Variants in SIAH1 observed in about 807,000 individuals in gnomAD.
SIAH1 encodes siah E3 ubiquitin protein ligase 1, also known as E3 ubiquitin-protein ligase SIAH1.
In SIAH1, 2 loss-of-function variants were observed where a neutral mutation model predicts 20.0. That is an observed-to-expected ratio of 0.10 (90% CI 0.04 to 0.31). SIAH1 has a LOEUF of 0.31. Ranked by LOEUF, SIAH1 falls within the 10% of genes least tolerant of loss-of-function variation. SIAH1 has a pLI of 1.00. For synonymous variants in SIAH1, 118 were observed against 125.3 expected (o/e 0.94, Z 0.39); for missense variants, 119 against 355.3 (o/e 0.33, Z 5.35).
intron 1 of SIAH1, among the ~76,000 whole-genome samples, chr16:48,380,519 C>G (rs1033243422): frequency 6.6e-6 from 1 of 151,474 alleles, no homozygotes; most frequent in African/African-American, 2.4e-5. Context: ...AAAAAAGAGT[C>G]AAAAAGACCT....
chr16:48,375,586 T>C (rs1961088866), intron 1 of SIAH1, among the ~76,000 whole-genome samples: 1 of 151,148 alleles, frequency 6.6e-6, no homozygotes. Context: ...TATAGTGAGA[T>C]GAGATCAGGC....
intron 1 of SIAH1, among the ~76,000 whole-genome samples, chr16:48,376,884 G>A (rs1482879209): frequency 1.3e-5 from 2 of 152,210 alleles, no homozygotes; most frequent in Non-Finnish European, 2.9e-5. Flanking sequence ...AAAATTTAAT[G>A]TGAAATACAA....
At chr16:48,371,811 C>T (rs1245376246) in intron 1 of SIAH1, among the ~76,000 whole-genome samples, 2 of 152,176 alleles carry the variant, frequency 1.3e-5, no homozygotes, top group African/African-American at 4.8e-5. Flanking sequence ...CCATTTACTA[C>T]CTTATGTTTT....
chr16:48,369,294 T>G (rs1217676862), intron 1 of SIAH1, among the ~76,000 whole-genome samples: 1 of 152,210 alleles, frequency 6.6e-6, no homozygotes, highest in Non-Finnish European at 1.5e-5. Context: ...TGAATAGGTA[T>G]AGAAAGATTG....
intron 1 of SIAH1, among the ~76,000 whole-genome samples, chr16:48,380,282 T>C (rs1961238320): frequency 1.3e-5 from 2 of 151,552 alleles, no homozygotes; most frequent in East Asian, 2.0e-4. Flanking sequence ...CTACTAAATA[T>C]ACAAAAATTA....
At chr16:48,379,764 T>C (rs1406302000) in intron 1 of SIAH1, among the ~76,000 whole-genome samples, 2 of 152,214 alleles carry the variant, frequency 1.3e-5, no homozygotes, top group African/African-American at 4.8e-5. Context: ...CAATTCAATG[T>C]GCAGAGTTCA....
At position 48,362,303 on chromosome 16, in the gene SIAH1, T is replaced by C. The variant is rs1468902078; in HGVS notation, c.126A>G (p.Pro42=). 1 of 1,614,180 alleles carries C rather than the reference T, an allele frequency of 6.2e-7. No individual in the cohort carries two copies. Among genetic ancestry groups the C allele is most frequent in the Non-Finnish European group, 8.5e-7 (1 of 1,180,036 alleles). ...GCGGTAACACATAGTCAAAGCAGAC[T>C]GGACACTCAAAAAGACTCGCCAAGT... ...NNDLASLFEC[P]VCFDYVLPPI... Residue 42 remains proline, a synonymous_variant, in exon 2 of 2, where the codon CCA becomes CCG. Transcript: ENST00000394725. This position sits in a 1 kb window ranked among gnomAD's most constrained non-coding sequence, Gnocchi z 4.2.
intron 1 of SIAH1, among the ~76,000 whole-genome samples, chr16:48,376,215 ATC>A (rs1453827224): frequency 2.0e-5 from 3 of 152,206 alleles, no homozygotes; most frequent in Non-Finnish European, 4.4e-5. Flanking sequence ...GGATTTCGGT[ATC>A]TCTCCAATGT....
rs991508067 is a variant in SIAH1 at position 48,381,398 on chromosome 16, C to T, written c.-3+3806G>A. Among the ~76,000 whole-genome samples the T allele has an allele frequency of 2.0e-5, 3 of 152,298 alleles. No individual in the cohort carries two copies. The East Asian group carries it at 5.8e-4, about 29-fold the overall frequency. Reference sequence around the variant, plus strand: ...TACTATCTGATCCAGCAATCACATTCCTTGGCATTTACCCAAAGGAGTTAC... The same window carrying T: ...TACTATCTGATCCAGCAATCACATTTCTTGGCATTTACCCAAAGGAGTTAC... On this transcript the variant is annotated intron_variant, in intron 1 of 1. Coordinates refer to ENST00000394725, the MANE Select transcript of SIAH1 (RefSeq NM_003031.4).
In SIAH1 at chr16:48,361,219, GCACACACCCACGCAGGCA is replaced by G; in HGVS notation, c.*343_*360del. The G allele has an allele frequency of 4.4e-6, 1 of 226,962 alleles. No individual in the cohort carries two copies. The highest frequency in any genetic ancestry group is 8.9e-6 in the Non-Finnish European group (1 of 111,930). 14.1% of individuals were successfully genotyped at this position (226,962 alleles called of 1,614,324 possible). A position where few individuals can be genotyped will look rare whatever the true frequency, so the allele number is the denominator to read the frequency against. Reference sequence around the variant, plus strand: ...AGTTAAAGGAAAAAAACCCAAACACGCACACACCCACGCAGGCACACACTCCCACGCAAAAACAAACTT... The same window carrying G: ...AGTTAAAGGAAAAAAACCCAAACACGCACACTCCCACGCAAAAACAAACTT... On this transcript the variant is annotated 3_prime_UTR_variant, in exon 2 of 2. Coordinates refer to ENST00000394725, the MANE Select transcript of SIAH1 (RefSeq NM_003031.4).
At chr16:48,371,104 A>C (rs1242707336) in intron 1 of SIAH1, among the ~76,000 whole-genome samples, 1 of 129,238 alleles carries the variant, frequency 7.7e-6, no homozygotes, top group African/African-American at 3.0e-5. Flanking sequence ...ACAAGAGTGA[A>C]ATTCCATCTC....
At chr16:48,383,613 A>G (rs1451605274) in intron 1 of SIAH1, among the ~76,000 whole-genome samples, 1 of 152,240 alleles carries the variant, frequency 6.6e-6, no homozygotes. Context: ...CAATAAATCT[A>G]AACTAGCTAA....
intron 1 of SIAH1, chr16:48,365,514 G>A: frequency 6.2e-7 from 1 of 1,602,882 alleles, no homozygotes. Flanking sequence ...CCCCCAAGAA[G>A]TAAAGGAACA....
intron 1 of SIAH1, among the ~76,000 whole-genome samples, chr16:48,372,964 C>A (rs891413914): frequency 6.6e-6 from 1 of 151,202 alleles, no homozygotes. Context: ...TGGGCTCCTG[C>A]CTAATAAACT....
chr16:48,377,390 C>CTTTTTTT (rs774317002), intron 1 of SIAH1, among the ~76,000 whole-genome samples: 1 of 132,112 alleles, frequency 7.6e-6, no homozygotes, highest in Non-Finnish European at 1.6e-5. Flanking sequence ...TTCTGGAAGA[C>CTTTTTTT]TTTTTTTTTT....
chr16:48,376,472 T>C (rs1012288882), intron 1 of SIAH1, among the ~76,000 whole-genome samples: 2 of 152,130 alleles, frequency 1.3e-5, no homozygotes, highest in East Asian at 3.9e-4. Context: ...AGACATTTTA[T>C]TTTATACTAT....
At chr16:48,365,334 TA>T in intron 1 of SIAH1, 1 of 1,603,388 alleles carries the variant, frequency 6.2e-7, no homozygotes, top group Non-Finnish European at 8.5e-7. Context: ...TTCCACTGAC[TA>T]ATAGCGTTCA....
intron 1 of SIAH1, among the ~76,000 whole-genome samples, chr16:48,366,668 C>T (rs991256022): frequency 1.1e-4 from 17 of 152,196 alleles, no homozygotes; most frequent in African/African-American, 3.4e-4. Context: ...GAGGTTTAAC[C>T]TGTCATTACA....
At position 48,361,509 on chromosome 16, in the gene SIAH1, G is replaced by C. The variant is rs766290179; in HGVS notation, c.*71C>G. ...CTACCGAAAGAGTTTTAGGTTGGCA[G>C]ACAGATGGGTGCCTTATTTTCTGTG... On this transcript the variant is annotated 3_prime_UTR_variant, in exon 2 of 2. Transcript: ENST00000394725. 1.1e-5 allele frequency: 17 copies of C among 1,520,328 alleles called. No individual in the cohort carries two copies. The highest frequency in any genetic ancestry group is 1.5e-5 in the Non-Finnish European group (17 of 1,107,372). 94.2% of individuals were successfully genotyped at this position (1,520,328 alleles called of 1,614,324 possible).
Sources: allele counts gnomAD v4.1 joint callset (sites outside exome capture counted in the v4.1 genomes callset), GRCh38; gene constraint gnomAD v4.1.1; non-coding constraint Gnocchi (gnomAD v3.1); transcripts MANE v1.5; gene names NCBI Gene and HGNC (gene_info 2026-07-23, HGNC 2026-07-21).